Variants in PCSK5 observed in about 807,000 individuals in gnomAD.
PCSK5 encodes proprotein convertase subtilisin/kexin type 5.
A neutral mutation model predicts 233.2 loss-of-function variants in PCSK5; 129 were observed. That is an observed-to-expected ratio of 0.55 (90% CI 0.48 to 0.64). The LOEUF (loss-of-function observed/expected upper bound fraction) is 0.64. Among genes scored for constraint, PCSK5 ranks in the 30% least tolerant of loss-of-function variants. PCSK5 has a pLI of 0.00. For synonymous variants in PCSK5, 825 were observed against 879.2 expected (o/e 0.94, Z 1.09); for missense variants, 2,076 against 2,430.1 (o/e 0.85, Z 3.06).
intron 25 of PCSK5, among the ~76,000 whole-genome samples, chr9:76,293,352 T>A (rs913230777): frequency 2.7e-4 from 41 of 152,336 alleles, no homozygotes; most frequent in African/African-American, 9.1e-4. Context: ...TTCTTAGCCT[T>A]ACGGTTTTAA....
At chr9:75,904,389 T>C (rs1587338842) in intron 1 of PCSK5, among the ~76,000 whole-genome samples, 1 of 152,156 alleles carries the variant, frequency 6.6e-6, no homozygotes, top group African/African-American at 2.4e-5. Context: ...GCAAATCATA[T>C]CTGAGGAAGA....
At chr9:76,109,145 A>G (rs991644227) in intron 9 of PCSK5, among the ~76,000 whole-genome samples, 7 of 152,220 alleles carry the variant, frequency 4.6e-5, no homozygotes, top group African/African-American at 1.7e-4. Context: ...ACTTTTCACT[A>G]AAGTGTTCTG....
At chr9:76,211,304 C>T (rs941285485) in intron 20 of PCSK5, among the ~76,000 whole-genome samples, 5 of 152,162 alleles carry the variant, frequency 3.3e-5, no homozygotes, top group Admixed American at 6.5e-5. Flanking sequence ...CACCTATCAT[C>T]CCTGGGTATT....
intron 12 of PCSK5, among the ~76,000 whole-genome samples, chr9:76,159,878 G>A (rs945203458): frequency 1.4e-5 from 2 of 148,056 alleles, no homozygotes; most frequent in Non-Finnish European, 3.0e-5. Flanking sequence ...GCTGGAGTGC[G>A]GTGGTGTGAT....
chr9:76,167,627 A>G (rs1157525042), intron 12 of PCSK5, among the ~76,000 whole-genome samples: 1 of 152,236 alleles, frequency 6.6e-6, no homozygotes, highest in East Asian at 1.9e-4. Context: ...AGCCTCAGAC[A>G]CACTGATAAA....
At chr9:75,969,876 T>TC (rs1236586297) in intron 2 of PCSK5, among the ~76,000 whole-genome samples, 1 of 151,762 alleles carries the variant, frequency 6.6e-6, no homozygotes, top group African/African-American at 2.4e-5. Context: ...GAAATCCTTT[T>TC]TTTTTTTTTT....
chr9:75,891,301 A>C lies in PCSK5; in HGVS notation c.120A>C (p.Ala40=). 6.4e-7 allele frequency: 1 copy of C among 1,557,852 alleles called. No homozygotes were observed. Residue 40 remains alanine (A), a synonymous_variant, in exon 1 of 38, where the codon GCA becomes GCC. Transcript: ENST00000674117. The part of the protein sequence containing the change: ...CRTRVYTNHW[A]VKIAGGFPEA... Reference sequence around the variant, plus strand: ...CGCGCGTCTACACCAACCACTGGGCAGTCAAAATCGCCGGGGGCTTCCCGG... The same window carrying C: ...CGCGCGTCTACACCAACCACTGGGCCGTCAAAATCGCCGGGGGCTTCCCGG...
rs189337152 is a variant in PCSK5, at chr9:76,270,962, G to C, written c.3143-21271G>C. 2.0e-5 allele frequency among the ~76,000 whole-genome samples: 3 copies of C among 152,188 alleles called. No homozygotes were observed. The East Asian group carries it at 5.8e-4, about 29-fold the overall frequency. The stretch of plus-strand genomic sequence containing the variant: ...CTCAGTTTACTCACCCCTAAAATGA[G>C]GAAGTTAGATCACTTTAAAGTCAGC... On this transcript the variant is annotated intron_variant, in intron 24 of 37. Transcript: ENST00000674117.
intron 5 of PCSK5, among the ~76,000 whole-genome samples, chr9:76,029,950 A>G (rs1231735105): frequency 1.3e-5 from 2 of 152,212 alleles, no homozygotes; most frequent in African/African-American, 4.8e-5. Flanking sequence ...TTCTTATTGC[A>G]CTTATGCAAA....
intron 20 of PCSK5, among the ~76,000 whole-genome samples, chr9:76,190,919 C>T (rs1824344877): frequency 6.6e-6 from 1 of 152,158 alleles, no homozygotes; most frequent in Admixed American, 6.5e-5. Context: ...AATCTGCAGC[C>T]AGGTTTGAGA....
At chr9:75,931,930 A>G (rs1275529278) in intron 1 of PCSK5, among the ~76,000 whole-genome samples, 2 of 152,262 alleles carry the variant, frequency 1.3e-5, no homozygotes, top group Non-Finnish European at 2.9e-5. Context: ...TGCTTAAGAC[A>G]TATTTCAAAT....
chr9:76,055,191 A>G (rs1284985158), intron 5 of PCSK5, among the ~76,000 whole-genome samples: 1 of 152,132 alleles, frequency 6.6e-6, no homozygotes, highest in African/African-American at 2.4e-5. Flanking sequence ...TAGGCTATCA[A>G]AGGATCTCTG....
intron 1 of PCSK5, among the ~76,000 whole-genome samples, chr9:75,915,276 TGAG>T (rs1487198830): frequency 6.6e-6 from 1 of 152,180 alleles, no homozygotes; most frequent in Non-Finnish European, 1.5e-5. Context: ...AATTGTGTGA[TGAG>T]GAGTAAGTTG....
chr9:76,135,815 A>C (rs1226903660), intron 10 of PCSK5, among the ~76,000 whole-genome samples: 1 of 152,138 alleles, frequency 6.6e-6, no homozygotes, highest in African/African-American at 2.4e-5. Flanking sequence ...ATTAACCTCC[A>C]TGAAGCTGAA....
intron 20 of PCSK5, chr9:76,193,427 A>AGCC (rs1491138663): frequency 6.7e-6 from 7 of 1,040,034 alleles, no homozygotes; most frequent in South Asian, 4.6e-5. Context: ...AAAGCCAAAA[A>AGCC]GAAAAAAAAA....
chr9:76,171,221 C>T (rs1823317666), intron 13 of PCSK5, among the ~76,000 whole-genome samples: 1 of 152,210 alleles, frequency 6.6e-6, no homozygotes, highest in Non-Finnish European at 1.5e-5. Flanking sequence ...CTTCCTCTCT[C>T]CTTTCTTCCT....
chr9:75,894,913 C>A (rs1825747031), intron 1 of PCSK5, among the ~76,000 whole-genome samples: 1 of 152,144 alleles, frequency 6.6e-6, no homozygotes, highest in African/African-American at 2.4e-5. Flanking sequence ...TAGAGTAAAT[C>A]TACAAAGAAG....
At chr9:76,322,921 G>C (rs755782435) in intron 31 of PCSK5, 131 bp from the exon 32 acceptor site, 29 of 622,876 alleles carry the variant, frequency 4.7e-5, no homozygotes, top group Non-Finnish European at 7.7e-5. Flanking sequence ...GCCCTGGCAG[G>C]GTGGGTAAAG....
chr9:76,090,964 G>A (rs542359791), intron 7 of PCSK5, among the ~76,000 whole-genome samples: 71 of 115,018 alleles, frequency 6.2e-4, no homozygotes, highest in African/African-American at 2.3e-3. Context: ...GCATGCGTAG[G>A]TCATAAGAGG....
Sources: gnomAD v4.1 joint callset for allele counts (sites outside exome capture counted in the v4.1 genomes callset) on GRCh38, gnomAD v4.1.1 for gene constraint, MANE v1.5 for transcripts, NCBI Gene and HGNC (gene_info 2026-07-23, HGNC 2026-07-21) for gene names.